NCALD: variants seen among roughly 807,000 people sequenced by gnomAD.
NCALD encodes the protein neurocalcin delta, also known as neurocalcin-delta.
A neutral mutation model predicts 18.6 loss-of-function variants in NCALD; 10 were observed. The ratio of observed to expected loss-of-function variants is 0.54; its 90% CI spans 0.33 to 0.91. NCALD has a LOEUF of 0.91. NCALD is among the 40% of genes least tolerant of loss of function. NCALD has a pLI of 0.03. For synonymous variants in NCALD, 88 were observed against 87.4 expected, an observed-to-expected ratio of 1.01 and a Z score of -0.04; for missense variants, 184 against 247.6, an observed-to-expected ratio of 0.74 and a Z score of 1.72.
chr8:101,702,629 T>C (rs756527566), intron 2 of NCALD, among the ~76,000 whole-genome samples: 5 of 152,202 alleles, frequency 3.3e-5, no homozygotes, highest in Non-Finnish European at 5.9e-5. Context: ...CCCAGCACTA[T>C]GCCCTTTTAT....
intron 2 of NCALD, among the ~76,000 whole-genome samples, chr8:101,715,528 A>G (rs897896731): frequency 2.0e-5 from 3 of 152,238 alleles, no homozygotes; most frequent in Non-Finnish European, 4.4e-5. Flanking sequence ...CAGAGTGAAC[A>G]GGCAACCTAT....
chr8:101,899,494 T>C (rs574541310), intron 3 of NCALD, among the ~76,000 whole-genome samples: 1 of 152,006 alleles, frequency 6.6e-6, no homozygotes, highest in Non-Finnish European at 1.5e-5. Flanking sequence ...AATCTTTTAC[T>C]ATTAAGTACA....
At chr8:101,821,368 T>C (rs1723325255) in intron 4 of NCALD, among the ~76,000 whole-genome samples, 2 of 152,200 alleles carry the variant, frequency 1.3e-5, no homozygotes, top group South Asian at 4.1e-4. Context: ...ACCAACATAT[T>C]CTTACAATGA....
chr8:101,941,682 A>G (rs747300587), intron 2 of NCALD, among the ~76,000 whole-genome samples: 2 of 152,220 alleles, frequency 1.3e-5, no homozygotes, highest in Non-Finnish European at 2.9e-5. Flanking sequence ...CATTTGTCAT[A>G]TGTAGGCACC....
chr8:101,954,075 C>T (rs1196866613), intron 2 of NCALD, among the ~76,000 whole-genome samples: 1 of 152,212 alleles, frequency 6.6e-6, no homozygotes, highest in East Asian at 1.9e-4. Context: ...ATCCAGCCGA[C>T]ATGGCAGACA....
rs34381236 is a variant in NCALD at position 102,034,015 on chromosome 8, T to TACACACACACAC, written c.-209-13738_-209-13727dup. ...TTGCTCTCTCTCTCCTCCCTCTAAA[T>TACACACACACAC]ACACACACACACACACACACACACA... On this transcript the variant is annotated intron_variant, in intron 1 of 6. Coordinates refer to the NCALD transcript ENST00000311028. 5.4e-3 allele frequency among the ~76,000 whole-genome samples: 794 copies of TACACACACACAC among 147,974 alleles called. 3 individuals are homozygous for TACACACACACAC. Among genetic ancestry groups the TACACACACACAC allele is most frequent in the African/African-American group, 0.018 (736 of 40,182 alleles).
At chr8:102,001,852 A>C (rs184555271) in intron 2 of NCALD, among the ~76,000 whole-genome samples, 1 of 152,194 alleles carries the variant, frequency 6.6e-6, no homozygotes, top group African/African-American at 2.4e-5. Context: ...CACCAGGCCT[A>C]ACCTAAAAGA....
chr8:101,943,192 T>C (rs1819023291), intron 2 of NCALD, among the ~76,000 whole-genome samples: 1 of 151,084 alleles, frequency 6.6e-6, no homozygotes, highest in Non-Finnish European at 1.5e-5. Flanking sequence ...TTGAAGCAGG[T>C]GGCAAAAAAG....
intron 2 of NCALD, among the ~76,000 whole-genome samples, chr8:101,965,914 T>C (rs968538910): frequency 2.0e-5 from 3 of 152,234 alleles, no homozygotes; most frequent in African/African-American, 4.8e-5. Flanking sequence ...TATTTGTCAC[T>C]TAATAAATTG....
chr8:102,077,591 G>A (rs917675845), intron 1 of NCALD, among the ~76,000 whole-genome samples: 2 of 152,184 alleles, frequency 1.3e-5, no homozygotes, highest in Non-Finnish European at 2.9e-5. Flanking sequence ...GCAAGTGTTA[G>A]AATGCCTGCC....
intron 1 of NCALD, among the ~76,000 whole-genome samples, chr8:102,044,555 T>C (rs1259426929): frequency 1.3e-5 from 2 of 152,250 alleles, no homozygotes; most frequent in East Asian, 3.8e-4. Context: ...ATTGAGCCTA[T>C]AACGCGGTAA....
chr8:102,016,556 G>A (rs1032032771), intron 2 of NCALD, among the ~76,000 whole-genome samples: 2 of 152,144 alleles, frequency 1.3e-5, no homozygotes, highest in Non-Finnish European at 2.9e-5. Flanking sequence ...CAAGCATAAG[G>A]TCACTGCAGT....
intron 1 of NCALD, among the ~76,000 whole-genome samples, chr8:101,740,066 T>G (rs1810120018): frequency 6.6e-6 from 1 of 152,210 alleles, no homozygotes; most frequent in African/African-American, 2.4e-5. Flanking sequence ...AATGAAGAAA[T>G]TATTAAAACC....
At chr8:101,971,979 T>C (rs1820257500) in intron 2 of NCALD, among the ~76,000 whole-genome samples, 1 of 152,160 alleles carries the variant, frequency 6.6e-6, no homozygotes, top group African/African-American at 2.4e-5. Flanking sequence ...GAGGTTGGGC[T>C]CTTAGATTCA....
chr8:102,085,175 G>T (rs925162155), intron 1 of NCALD, among the ~76,000 whole-genome samples: 12 of 152,256 alleles, frequency 7.9e-5, no homozygotes, highest in East Asian at 5.8e-4. Context: ...TTGGGGCCAG[G>T]TAATTGTTTG....
chr8:102,104,631 G>A (rs1018954070), intron 1 of NCALD, among the ~76,000 whole-genome samples: 9 of 152,094 alleles, frequency 5.9e-5, no homozygotes, highest in African/African-American at 2.2e-4. Flanking sequence ...TATTACAGCT[G>A]TCCAGTTATT....
At chr8:101,994,914 T>C (rs1161405878) in intron 2 of NCALD, among the ~76,000 whole-genome samples, 1 of 152,234 alleles carries the variant, frequency 6.6e-6, no homozygotes, top group Non-Finnish European at 1.5e-5. Context: ...TTTTTTGTCT[T>C]TAAAATTTGA....
At chr8:101,887,672 GAAT>G (rs1323773737) in intron 3 of NCALD, among the ~76,000 whole-genome samples, 1 of 150,602 alleles carries the variant, frequency 6.6e-6, no homozygotes, top group Non-Finnish European at 1.5e-5. Context: ...TTATTTAAAA[GAAT>G]AATATGTTAA....
chr8:101,892,223 G>T (rs540683377), intron 3 of NCALD, among the ~76,000 whole-genome samples: 95 of 147,918 alleles, frequency 6.4e-4, no homozygotes, highest in African/African-American at 1.5e-3. Context: ...CCGAGCAGCC[G>T]AACTGGGAGG....
Sources: allele counts gnomAD v4.1 joint callset (sites outside exome capture counted in the v4.1 genomes callset), GRCh38; gene constraint gnomAD v4.1.1; transcripts MANE v1.5; gene names NCBI Gene and HGNC (gene_info 2026-07-23, HGNC 2026-07-21).